ARAP2: variants seen among roughly 807,000 people sequenced by gnomAD.
ARAP2 encodes the protein ArfGAP with RhoGAP domain, ankyrin repeat and PH domain 2, also known as arf-GAP with Rho-GAP domain, ANK repeat and PH domain-containing protein 2.
ARAP2 carries 148 observed loss-of-function variants against 194.5 expected under a neutral mutation model. The ratio of observed to expected loss-of-function variants is 0.76; its 90% CI spans 0.67 to 0.87. The LOEUF is 0.87. ARAP2 is among the 40% of genes least tolerant of loss of function. The pLI, the probability that ARAP2 is intolerant of heterozygous loss-of-function variation, is 0.00. For synonymous variants in ARAP2, 695 were observed against 683.5 expected, an observed-to-expected ratio of 1.02 and a Z score of -0.26; for missense variants, 2,128 against 1,989.7, an observed-to-expected ratio of 1.07 and a Z score of -1.32.
At chr4:36,160,966 G>A (rs1195338492) in intron 12 of ARAP2, among the ~76,000 whole-genome samples, 1 of 152,160 alleles carries the variant, frequency 6.6e-6, no homozygotes, top group Non-Finnish European at 1.5e-5. Flanking sequence ...GTGGGCTAAT[G>A]CTGTCTGAAG....
intron 15 of ARAP2, among the ~76,000 whole-genome samples, chr4:36,152,459 G>A (rs539611657): frequency 2.6e-5 from 4 of 152,236 alleles, no homozygotes; most frequent in Admixed American, 6.5e-5. Flanking sequence ...GTATTCAGAC[G>A]TCTAGAAGAA....
At chr4:36,225,718 A>G (rs1393519668) in intron 2 of ARAP2, among the ~76,000 whole-genome samples, 3 of 152,070 alleles carry the variant, frequency 2.0e-5, no homozygotes, top group Non-Finnish European at 2.9e-5. Context: ...GGAGAGAAAA[A>G]CAAAGAGCCC....
intron 19 of ARAP2, among the ~76,000 whole-genome samples, chr4:36,139,514 T>C (rs768137881): frequency 2.0e-5 from 3 of 151,704 alleles, no homozygotes; most frequent in Non-Finnish European, 4.4e-5. Context: ...TTTAAAAATA[T>C]ATTCCGTTTA....
intron 31 of ARAP2, among the ~76,000 whole-genome samples, chr4:36,075,330 G>C (rs1259526800): frequency 6.6e-6 from 1 of 152,046 alleles, no homozygotes; most frequent in East Asian, 1.9e-4. Flanking sequence ...ATTGAACTAA[G>C]AGGCATTTTT....
At chr4:36,014,280 A>G (rs1443484141) in intron 8 of ARAP2, among the ~76,000 whole-genome samples, 20 of 141,150 alleles carry the variant, frequency 1.4e-4, no homozygotes, top group Non-Finnish European at 2.7e-4. Flanking sequence ...AAAGAAAGAA[A>G]GAAAGAAAGA....
In ARAP2 at chr4:36,147,304, T is replaced by C. The variant is rs1401268041; in HGVS notation, c.3255A>G (p.Glu1085=). ...GEKLDVLLLV[E]KGRTLYIHGH... ...AGCAAAAAGGCACTTACCTCCCTTT[T>C]TCTACCAAGAGTAAAACATCCAGTT... Residue 1085 remains glutamate (E), a synonymous_variant, in exon 19 of 33, where the codon GAA becomes GAG. Coordinates refer to ENST00000303965, the MANE Select transcript of ARAP2 (RefSeq NM_015230.4). The C allele has an allele frequency of 6.2e-7, 1 of 1,612,908 alleles. No homozygotes were observed.
intron 28 of ARAP2, among the ~76,000 whole-genome samples, chr4:36,091,386 T>C (rs1387076465): frequency 6.6e-6 from 1 of 152,256 alleles, no homozygotes; most frequent in East Asian, 1.9e-4. Flanking sequence ...TAAGATCTTT[T>C]AGGGAAATAA....
intron 3 of ARAP2, among the ~76,000 whole-genome samples, chr4:36,048,553 G>T (rs1318799136): frequency 6.6e-6 from 1 of 152,048 alleles, no homozygotes; most frequent in Non-Finnish European, 1.5e-5. Flanking sequence ...TCCTTTTATG[G>T]CTGCATAGTA....
At chr4:36,210,144 A>C (rs2109267178) in intron 6 of ARAP2, among the ~76,000 whole-genome samples, 1 of 152,246 alleles carries the variant, frequency 6.6e-6, no homozygotes, top group African/African-American at 2.4e-5. Flanking sequence ...ATTAGATGTG[A>C]GGTCATAACT....
At chr4:36,079,465 G>A (rs1280934304) in intron 31 of ARAP2, among the ~76,000 whole-genome samples, 1 of 152,064 alleles carries the variant, frequency 6.6e-6, no homozygotes, top group Non-Finnish European at 1.5e-5. Context: ...ATAAAGAATG[G>A]CAACTTAATC....
At chr4:36,139,078 T>G (rs1162043000) in intron 19 of ARAP2, among the ~76,000 whole-genome samples, 1 of 145,958 alleles carries the variant, frequency 6.9e-6, no homozygotes, top group Non-Finnish European at 1.5e-5. Context: ...GACACGTGTA[T>G]TTTGAATAGT....
At chr4:36,016,601 G>A (rs969475964) in intron 6 of ARAP2, among the ~76,000 whole-genome samples, 2 of 152,124 alleles carry the variant, frequency 1.3e-5, no homozygotes, top group Non-Finnish European at 2.9e-5. Flanking sequence ...GTACCAATGG[G>A]TATCTTTGAG....
chr4:36,011,312 TC>T (rs1158756095), intron 9 of ARAP2, among the ~76,000 whole-genome samples: 10 of 152,176 alleles, frequency 6.6e-5, no homozygotes, highest in Non-Finnish European at 1.3e-4. Context: ...GACCTTTAAT[TC>T]ATGATGAATT....
chr4:36,048,521 G>A (rs1350494439), intron 3 of ARAP2, among the ~76,000 whole-genome samples: 1 of 152,020 alleles, frequency 6.6e-6, no homozygotes, highest in African/African-American at 2.4e-5. Context: ...GATGCATGTT[G>A]CTGCAAAGGA....
At chr4:36,197,416 T>G (rs1743360250) in intron 6 of ARAP2, among the ~76,000 whole-genome samples, 1 of 152,244 alleles carries the variant, frequency 6.6e-6, no homozygotes, top group South Asian at 2.1e-4. Context: ...ACTTCATCCT[T>G]ACTTTTATTT....
intron 6 of ARAP2, among the ~76,000 whole-genome samples, chr4:36,209,924 A>C (rs1341974224): frequency 6.6e-6 from 1 of 152,198 alleles, no homozygotes; most frequent in Admixed American, 6.5e-5. Context: ...TAAGATATCA[A>C]TAATAGTGAA....
chr4:36,062,728 G>A (rs527665518), downstream of ARAP2, among the ~76,000 whole-genome samples: 7 of 151,676 alleles, frequency 4.6e-5, no homozygotes, highest in Non-Finnish European at 1.0e-4. Flanking sequence ...GGACATTTGG[G>A]CTCTGAACTT....
rs569771102 is a variant in ARAP2, at chr4:36,155,743, C to T, written c.2752+2987G>A. Among the ~76,000 whole-genome samples the T allele has an allele frequency of 2.2e-4, 33 of 151,452 alleles. No individual in the cohort carries two copies. The East Asian group carries it at 5.0e-3, about 23-fold the overall frequency. ...AGTGGCGCAATCTCGGCTCACTGCACGCTCTGCCTCCCAGGTTCACGTCAT... is the reference window on the plus strand; with the variant it reads ...AGTGGCGCAATCTCGGCTCACTGCATGCTCTGCCTCCCAGGTTCACGTCAT... On this transcript the variant is annotated intron_variant, in intron 15 of 32. Transcript: ENST00000303965.
chr4:36,105,256 G>T (rs76572861), intron 27 of ARAP2, among the ~76,000 whole-genome samples: 1 of 151,976 alleles, frequency 6.6e-6, no homozygotes, highest in African/African-American at 2.4e-5. Flanking sequence ...GGAGGCAGAG[G>T]TTGCAGTAAG....
Sources: gnomAD v4.1 joint callset for allele counts (sites outside exome capture counted in the v4.1 genomes callset) on GRCh38, gnomAD v4.1.1 for gene constraint, MANE v1.5 for transcripts, NCBI Gene and HGNC (gene_info 2026-07-23, HGNC 2026-07-21) for gene names.